The following SYN1 variants were observed in gnomAD, a reference collection of about 807,000 sequenced individuals.
The protein encoded by SYN1 is synapsin-1.
In SYN1, 8 loss-of-function variants were observed where a neutral mutation model predicts 44.6. The ratio of observed to expected loss-of-function variants is 0.18; its 90% CI spans 0.11 to 0.32. SYN1 has a LOEUF of 0.32. Among genes scored for constraint, SYN1 ranks in the 10% least tolerant of loss-of-function variants. The pLI, the probability that SYN1 is intolerant of heterozygous loss-of-function variation, is 1.00. For missense variants in SYN1, 451 were observed against 639.4 expected, an observed-to-expected ratio of 0.71 and a Z score of 3.18; for synonymous variants, 275 against 280.1, an observed-to-expected ratio of 0.98 and a Z score of 0.18.
At chrX:47,594,459 G>A (rs1251125439) in intron 5 of SYN1, among the ~76,000 whole-genome samples, 1 of 107,690 alleles carries the variant, frequency 9.3e-6, no homozygotes, top group African/African-American at 3.4e-5. Flanking sequence ...GCTTGAACCC[G>A]GGAGGCAGAG....
At chrX:47,574,622 T>G (rs1230968534) in intron 11 of SYN1, 32 bp from the exon 12 acceptor site, 5 of 1,116,354 alleles carry the variant, frequency 4.5e-6, no homozygotes, top group Non-Finnish European at 6.0e-6. Context: ...AGAGCACACG[T>G]GAGAGTGAGC....
Position 47,604,798 on chromosome X carries a change from G to A in SYN1, c.774+180C>T, listed in dbSNP as rs182274683. The A allele has an allele frequency of 3.8e-3, 1,800 of 478,461 alleles. 3 individuals carry two copies. The highest frequency in any genetic ancestry group is 5.8e-3 in the Non-Finnish European group (1,581 of 271,190). 39.4% of individuals were successfully genotyped at this position (478,461 alleles called of 1,213,427 possible). On this transcript the variant is annotated intron_variant, in intron 5 of 12. Coordinates refer to ENST00000295987, the MANE Select transcript of SYN1 (RefSeq NM_006950.3). ...ACATATTAGAATGGATCATGATTTAGTTTTCCTTGTAAGCATAAGGAAATT... is the reference window on the plus strand; with the variant it reads ...ACATATTAGAATGGATCATGATTTAATTTTCCTTGTAAGCATAAGGAAATT...
At chrX:47,619,079 T>C (rs1197188318) in intron 1 of SYN1, among the ~76,000 whole-genome samples, 1 of 110,298 alleles carries the variant, frequency 9.1e-6, no homozygotes, top group Non-Finnish European at 1.9e-5. Context: ...ATAGGATATA[T>C]TGAAGCCAAA....
In SYN1 at chrX:47,586,305, G is replaced by A. The variant is rs1055452613; in HGVS notation, c.775-8804C>T. 1.1e-5 allele frequency: 8 copies of A among 752,743 alleles called. No individual in the cohort carries two copies. In the Admixed American group the frequency reaches 3.5e-4, roughly 33 times the overall value. 62.0% of individuals were successfully genotyped at this position (752,743 alleles called of 1,213,427 possible). ...ACTGACCCCCAGGGCCTATTCCCCA[G>A]CCACCATTCCAGGACACTGATTTAC... is the stretch of plus-strand genomic sequence containing the variant. On this transcript the variant is annotated intron_variant, in intron 5 of 12. Transcript: ENST00000295987.
At chrX:47,582,485 CCCGGGGTGGCCCAGCAGGGA>C (rs2057802539) in intron 5 of SYN1, 4 of 294,642 alleles carry the variant, frequency 1.4e-5, no homozygotes, top group Non-Finnish European at 6.9e-6. Flanking sequence ...GTAAGCAGGG[CCCGGGGTGGCCCAGCAGGGA>C]CCGGAGCTGG....
At position 47,602,388 on chromosome X, in the gene SYN1, G is replaced by A. The variant is rs145370491; in HGVS notation, c.774+2590C>T. Among the ~76,000 whole-genome samples the A allele has an allele frequency of 2.8e-3, 318 of 112,214 alleles. 3 individuals are homozygous for A. The highest frequency in any genetic ancestry group is 8.6e-3 in the African/African-American group (267 of 30,938). On this transcript the variant is annotated intron_variant, in intron 5 of 12. Transcript: ENST00000295987. ...AAAACTAATGATTCAAGCCGGGCAT[G>A]GTGGTTCATGCCTGTAATCCCAGCA...
chrX:47,585,287 A>G, intron 5 of SYN1: 1 of 1,211,453 alleles, frequency 8.3e-7, no homozygotes, highest in Non-Finnish European at 1.1e-6. Context: ...GTCTGCGGAT[A>G]CTTCCACAGG....
At chrX:47,606,730 A>AAT (rs1176440504) in intron 3 of SYN1, among the ~76,000 whole-genome samples, 1,311 of 99,315 alleles carry the variant, frequency 0.013, 24 homozygotes, top group African/African-American at 0.039. Flanking sequence ...CCCTGTCTGA[A>AAT]ATATATATAT....
rs1226886116 is a variant in SYN1, at chrX:47,576,596, G to A, written c.882C>T (p.Val294=). The A allele has an allele frequency of 7.4e-6, 9 of 1,210,134 alleles. No individual in the cohort carries two copies. Among genetic ancestry groups the A allele is most frequent in the South Asian group, 1.8e-5 (1 of 56,828 alleles). ...NQHDFQDIAS[V]VALTKTYATA... is the part of the protein sequence containing the mutation. ...TGGCATACGTCTTGGTCAGTGCCAC[G>A]ACACTTGCGATGTCCTGGAAGTCAT... The change falls in exon 7 of 13, where the codon GTC becomes GTT. Residue 294 remains valine (V), a synonymous_variant. Transcript: ENST00000295987.
chrX:47,606,926 G>C lies in SYN1; in HGVS notation c.527+19C>G, dbSNP rs781493497. 4 of 1,194,358 alleles carry C rather than the reference G, an allele frequency of 3.3e-6. No individual in the cohort carries two copies. Among genetic ancestry groups the C allele is most frequent in the Non-Finnish European group, 4.5e-6 (4 of 883,700 alleles). Reference sequence around the variant, plus strand: ...CTTATGCCTTGCTCATAACACCAAGGTACCCTTCTTATACTCACCGCACGA... The same window carrying C: ...CTTATGCCTTGCTCATAACACCAAGCTACCCTTCTTATACTCACCGCACGA... On this transcript the variant is annotated intron_variant, in intron 3 of 12. Transcript: ENST00000295987.
chrX:47,574,286 C>G lies in SYN1; in HGVS notation c.1698G>C (p.Gln566His). ...RQAGPPQATR[Q>H]TSVSGPAPPK... ...GCGGAGCCGGGCCAGAGACGGATGT[C>G]TGACGGGTAGCCTGTGGGGGGCCCG... The change falls in exon 12 of 13, where the codon CAG becomes CAC. Residue 566 changes from glutamine (Q) to histidine (H), a missense_variant. This residue lies in a region of SYN1 where 127 missense variants were observed against 154.8 expected (regional missense o/e 0.82). Coordinates refer to ENST00000295987, the MANE Select transcript of SYN1 (RefSeq NM_006950.3). The G allele has an allele frequency of 9.1e-7, 1 of 1,103,441 alleles. No individual in the cohort carries two copies. The highest frequency in any genetic ancestry group is 1.2e-6 in the Non-Finnish European group (1 of 848,752). The allele number at this position is 1,103,441 out of a possible 1,213,427, so 90.9% of individuals were successfully genotyped here. A position where few individuals can be genotyped will look rare whatever the true frequency, so the allele number is the denominator to read the frequency against.
intron 5 of SYN1, chrX:47,585,959 C>T (rs1402948709): frequency 9.3e-7 from 1 of 1,072,720 alleles, no homozygotes. Flanking sequence ...TCCTGAGCCC[C>T]CGGGATTGTT....
chrX:47,606,549 AC>A (rs375423817), intron 3 of SYN1, among the ~76,000 whole-genome samples: 6 of 104,475 alleles, frequency 5.7e-5, no homozygotes, highest in South Asian at 4.3e-4. Context: ...CATAGTGAGG[AC>A]CCCCCCCATC....
chrX:47,598,952 T>C (rs111363543), intron 5 of SYN1, among the ~76,000 whole-genome samples: 8,598 of 110,601 alleles, frequency 0.078, 715 homozygotes, highest in East Asian at 0.23. Context: ...GCCCAGGAGG[T>C]TGAGGCTGCA....
chrX:47,592,438 C>T (rs1395987347), intron 5 of SYN1, among the ~76,000 whole-genome samples: 1 of 111,261 alleles, frequency 9.0e-6, no homozygotes, highest in East Asian at 2.8e-4. Flanking sequence ...AGTATGAGTC[C>T]TTATTATCAC....
intron 3 of SYN1, among the ~76,000 whole-genome samples, chrX:47,606,555 C>T (rs1047822057): frequency 5.6e-5 from 6 of 107,993 alleles, no homozygotes; most frequent in East Asian, 5.8e-4. Flanking sequence ...GAGGACCCCC[C>T]CCATCTCTAC....
intron 5 of SYN1, among the ~76,000 whole-genome samples, chrX:47,587,851 G>A (rs2057832857): frequency 9.0e-6 from 1 of 111,368 alleles, no homozygotes; most frequent in African/African-American, 3.3e-5. Flanking sequence ...ATTCAATGGA[G>A]CACCTGTGTC....
chrX:47,591,077 G>T (rs1467767572), intron 5 of SYN1, among the ~76,000 whole-genome samples: 1 of 110,781 alleles, frequency 9.0e-6, no homozygotes, highest in Non-Finnish European at 1.9e-5. Flanking sequence ...TAGAGACGGG[G>T]TTTCATCATG....
chrX:47,586,586 G>A (rs1381081516), intron 5 of SYN1: 3 of 1,210,661 alleles, frequency 2.5e-6, no homozygotes. Context: ...GGACGGACCA[G>A]CTCCTCCAAG....
Sources: allele counts gnomAD v4.1 joint callset (sites outside exome capture counted in the v4.1 genomes callset), GRCh38; gene constraint gnomAD v4.1.1; regional missense constraint gnomAD v4.1.1; transcripts MANE v1.5; gene names NCBI Gene and HGNC (gene_info 2026-07-23, HGNC 2026-07-21).